The following VGLL4 variants were observed in gnomAD, a reference collection of about 807,000 sequenced individuals.
VGLL4 encodes vestigial like family member 4, also known as transcription cofactor vestigial-like protein 4.
In VGLL4, 7 loss-of-function variants were observed where a neutral mutation model predicts 21.0. The ratio of observed to expected loss-of-function variants is 0.33; its 90% confidence interval spans 0.19 to 0.63. The LOEUF is 0.63. Ranked by LOEUF, VGLL4 falls within the 20% of genes least tolerant of loss-of-function variation. The probability of loss-of-function intolerance (pLI) is 0.78; values close to 1 mark genes in which losing one functional copy is unlikely to be tolerated. For missense variants in VGLL4, 394 were observed against 425.7 expected (o/e 0.93, Z 0.66); for synonymous variants, 222 against 173.2 (o/e 1.28, Z -2.21).
intron 1 of VGLL4, among the ~76,000 whole-genome samples, chr3:11,613,863 C>T (rs2075109202): frequency 6.6e-6 from 1 of 152,182 alleles, no homozygotes; most frequent in Admixed American, 6.5e-5. Context: ...AACTGTCCTT[C>T]TCGCTACTCA....
rs532819845 is a variant in VGLL4 at position 11,603,516 on chromosome 3, A to G, written c.83-1494T>C. On this transcript the variant is annotated intron_variant, in intron 1 of 4. Transcript: ENST00000430365. ...AATTAGAAAAATATCCTTTCTAATT[A>G]TCTCCGTTATTTGTGATACTTCCTC... 6.6e-5 allele frequency among the ~76,000 whole-genome samples: 10 copies of G among 152,360 alleles called. No homozygotes were observed. In the East Asian group the frequency reaches 1.9e-3, roughly 29 times the overall value.
chr3:11,589,130 A>T lies in VGLL4; in HGVS notation c.272+12703T>A, dbSNP rs1388420927. On this transcript the variant is annotated intron_variant, in intron 2 of 4. Transcript: ENST00000430365. Reference sequence around the variant, plus strand: ...CAGGGAAGAGGAAATCAAATAAGACAAGGGACTGCACTCTTTCCTGAACCT... The same window carrying T: ...CAGGGAAGAGGAAATCAAATAAGACTAGGGACTGCACTCTTTCCTGAACCT... 3.9e-5 allele frequency among the ~76,000 whole-genome samples: 6 copies of T among 152,052 alleles called. No homozygotes were observed. The East Asian group carries it at 1.2e-3, about 29-fold the overall frequency.
chr3:11,707,629 C>G (rs576547583), intron 1 of VGLL4, among the ~76,000 whole-genome samples: 2 of 151,868 alleles, frequency 1.3e-5, no homozygotes, highest in Non-Finnish European at 2.9e-5. Flanking sequence ...GCAGGAGGAT[C>G]GCTTGAGCCC....
chr3:11,567,273 G>A (rs901027342), intron 2 of VGLL4, among the ~76,000 whole-genome samples: 61 of 152,166 alleles, frequency 4.0e-4, no homozygotes, highest in Non-Finnish European at 3.5e-4. Context: ...CAATCAGAGC[G>A]GCGCAGTGCA....
chr3:11,615,962 C>T (rs1215950140), intron 1 of VGLL4, among the ~76,000 whole-genome samples: 1 of 152,232 alleles, frequency 6.6e-6, no homozygotes. Flanking sequence ...ATTCTTCCTT[C>T]TCACATCACC....
intron 2 of VGLL4, chr3:11,569,017 G>A (rs113533054): frequency 2.2e-6 from 2 of 907,998 alleles, no homozygotes; most frequent in African/African-American, 1.8e-5. Context: ...AGCTTTCTGA[G>A]TACTGAAAGC....
At chr3:11,602,559 A>G (rs2074832969) in intron 1 of VGLL4, among the ~76,000 whole-genome samples, 1 of 152,206 alleles carries the variant, frequency 6.6e-6, no homozygotes, top group Non-Finnish European at 1.5e-5. Flanking sequence ...ATATAAATAC[A>G]TCGTTTAATG....
intron 2 of VGLL4, among the ~76,000 whole-genome samples, chr3:11,655,960 T>C (rs1157952791): frequency 1.3e-5 from 2 of 151,766 alleles, no homozygotes; most frequent in Admixed American, 6.6e-5. Flanking sequence ...AAAGAACAAA[T>C]GGGAAGGGAG....
At chr3:11,585,721 G>C (rs939186903) in intron 2 of VGLL4, among the ~76,000 whole-genome samples, 10 of 152,214 alleles carry the variant, frequency 6.6e-5, no homozygotes, top group African/African-American at 2.2e-4. Context: ...TCTTAGAGCA[G>C]GCATGAGGTG....
chr3:11,590,089 G>C (rs896383901), intron 2 of VGLL4, among the ~76,000 whole-genome samples: 48 of 152,204 alleles, frequency 3.2e-4, no homozygotes, highest in African/African-American at 1.1e-3. Flanking sequence ...GACTGAGTTT[G>C]GGACCACCGA....
intron 1 of VGLL4, among the ~76,000 whole-genome samples, chr3:11,625,891 C>T (rs950945889): frequency 1.1e-4 from 17 of 152,194 alleles, no homozygotes; most frequent in African/African-American, 4.1e-4. Flanking sequence ...CAGGGACCAG[C>T]AGGACGGGGG....
intron 2 of VGLL4, among the ~76,000 whole-genome samples, chr3:11,592,026 A>C (rs2074511542): frequency 6.6e-6 from 1 of 152,266 alleles, no homozygotes; most frequent in Non-Finnish European, 1.5e-5. Context: ...TGTAAGATAC[A>C]GTATGAAAGT....
rs375950003 is a variant in VGLL4 at position 11,654,028 on chromosome 3, T to A, written c.64+48943A>T. Reference sequence around the variant, plus strand: ...TTCAAATTTGGGGGTGTTGTTAACATCTAGTGGTTAGGAGCCAGGGATGCT... The same window carrying A: ...TTCAAATTTGGGGGTGTTGTTAACAACTAGTGGTTAGGAGCCAGGGATGCT... On this transcript the variant is annotated intron_variant, in intron 2 of 5. Coordinates refer to the VGLL4 transcript ENST00000273038. Among the ~76,000 whole-genome samples the A allele has an allele frequency of 1.8e-4, 27 of 152,202 alleles. No homozygotes were observed. In the South Asian group the frequency reaches 5.6e-3, roughly 32 times the overall value.
At chr3:11,625,845 C>G (rs2075342476) in intron 1 of VGLL4, among the ~76,000 whole-genome samples, 1 of 151,874 alleles carries the variant, frequency 6.6e-6, no homozygotes, top group Admixed American at 6.6e-5. Flanking sequence ...CCAGAATAAG[C>G]AGATCTATAT....
chr3:11,572,535 C>T (rs936244401), intron 2 of VGLL4, among the ~76,000 whole-genome samples: 1 of 152,208 alleles, frequency 6.6e-6, no homozygotes, highest in African/African-American at 2.4e-5. Context: ...TCCTCAGTCC[C>T]ATTCCCCTCT....
intron 1 of VGLL4, among the ~76,000 whole-genome samples, chr3:11,638,890 G>A (rs763958236): frequency 4.6e-5 from 7 of 152,246 alleles, no homozygotes; most frequent in Non-Finnish European, 1.0e-4. Context: ...TCCAGTGTGC[G>A]TCTTCCCTTC....
intron 2 of VGLL4, among the ~76,000 whole-genome samples, chr3:11,601,034 A>G (rs1384610911): frequency 6.6e-6 from 1 of 152,174 alleles, no homozygotes; most frequent in Admixed American, 6.5e-5. Context: ...AAAACTGGGG[A>G]GAAGCCTCTC....
intron 2 of VGLL4, among the ~76,000 whole-genome samples, chr3:11,679,389 A>G (rs1246657699): frequency 1.3e-5 from 2 of 152,168 alleles, no homozygotes; most frequent in Non-Finnish European, 2.9e-5. Context: ...AATTTAGTAG[A>G]AAAATGTTTA....
At chr3:11,660,148 C>A (rs913974106) in intron 2 of VGLL4, among the ~76,000 whole-genome samples, 3 of 148,932 alleles carry the variant, frequency 2.0e-5, no homozygotes, top group Non-Finnish European at 4.4e-5. Flanking sequence ...GGCGACAGAG[C>A]GAGACTCCAT....
Sources: allele counts gnomAD v4.1 joint callset (sites outside exome capture counted in the v4.1 genomes callset), GRCh38; gene constraint gnomAD v4.1.1; transcripts MANE v1.5; gene names NCBI Gene and HGNC (gene_info 2026-07-23, HGNC 2026-07-21).